Variants in GFRA2 observed in about 807,000 individuals in gnomAD.
GFRA2 encodes the protein GDNF family receptor alpha 2.
A neutral mutation model predicts 48.3 loss-of-function variants in GFRA2; 17 were observed. The ratio of observed to expected loss-of-function variants is 0.35; its 90% CI spans 0.24 to 0.53. The LOEUF is 0.53. Among genes scored for constraint, GFRA2 ranks in the 20% least tolerant of loss-of-function variants. GFRA2 has a pLI of 0.93. For missense variants in GFRA2, 660 were observed against 637.3 expected, an observed-to-expected ratio of 1.04 and a Z score of -0.38; for synonymous variants, 305 against 257.2, an observed-to-expected ratio of 1.19 and a Z score of -1.78.
intron 1 of GFRA2, among the ~76,000 whole-genome samples, chr8:21,809,985 A>C (rs1192090801): frequency 3.3e-5 from 5 of 152,204 alleles, no homozygotes. Context: ...AGTCCTGGGC[A>C]GAACTGGAAC....
intron 3 of GFRA2, among the ~76,000 whole-genome samples, chr8:21,766,971 TCATA>T (rs1806191929): frequency 1.6e-5 from 2 of 128,392 alleles, no homozygotes; most frequent in Non-Finnish European, 3.3e-5. Flanking sequence ...ATACATTACC[TCATA>T]CACTTACTAC....
intron 3 of GFRA2, among the ~76,000 whole-genome samples, chr8:21,756,617 G>A (rs1805583155): frequency 6.6e-6 from 1 of 152,196 alleles, no homozygotes; most frequent in South Asian, 2.1e-4. Context: ...CCTCCTGTCA[G>A]GAAGGTGAGT....
At chr8:21,775,930 G>T (rs982710234) in intron 2 of GFRA2, among the ~76,000 whole-genome samples, 158 of 152,032 alleles carry the variant, frequency 1.0e-3, no homozygotes, top group African/African-American at 3.6e-3. Context: ...CAGCGGGAAA[G>T]GAAATAGTCT....
intron 7 of GFRA2, among the ~76,000 whole-genome samples, chr8:21,694,969 G>A (rs1416731175): frequency 6.6e-6 from 1 of 152,200 alleles, no homozygotes; most frequent in Non-Finnish European, 1.5e-5. Flanking sequence ...GCCAACTCCT[G>A]TTAATTTGCC....
At chr8:21,731,809 A>G (rs923541697) in intron 4 of GFRA2, among the ~76,000 whole-genome samples, 3 of 152,242 alleles carry the variant, frequency 2.0e-5, no homozygotes, top group African/African-American at 7.2e-5. Context: ...CAGAAATACT[A>G]GAAAAGCAAA....
At chr8:21,728,265 GTTTTTT>G (rs34490346) in intron 4 of GFRA2, among the ~76,000 whole-genome samples, 2 of 65,292 alleles carry the variant, frequency 3.1e-5, no homozygotes, top group Non-Finnish European at 5.4e-5. Context: ...CGGGAACCAG[GTTTTTT>G]TTTTTTTTTT....
upstream of GFRA2, among the ~76,000 whole-genome samples, chr8:21,792,983 C>T (rs1188490515): frequency 3.3e-5 from 5 of 152,128 alleles, no homozygotes; most frequent in African/African-American, 1.2e-4. Context: ...AGGAGAACCA[C>T]GTGAACCTGG....
intron 4 of GFRA2, among the ~76,000 whole-genome samples, chr8:21,737,900 C>T (rs957781320): frequency 6.6e-6 from 1 of 152,176 alleles, no homozygotes; most frequent in Non-Finnish European, 1.5e-5. Flanking sequence ...CGAGCTGAAA[C>T]ACTCTTTGAA....
At chr8:21,775,492 G>A (rs971306435) in intron 2 of GFRA2, among the ~76,000 whole-genome samples, 2 of 152,172 alleles carry the variant, frequency 1.3e-5, no homozygotes, top group African/African-American at 2.4e-5. Context: ...GAGGTGGCCC[G>A]GAGAGGTGAA....
intron 4 of GFRA2, 62 bp from the exon 5 acceptor site, chr8:21,706,103 C>T (rs1402327934): frequency 1.0e-5 from 11 of 1,076,316 alleles, no homozygotes; most frequent in Non-Finnish European, 1.4e-5. Context: ...CCTTCTGTCT[C>T]CTCTGTCCTG....
chr8:21,810,775 T>A (rs116064185), intron 1 of GFRA2, among the ~76,000 whole-genome samples: 125 of 152,178 alleles, frequency 8.2e-4, no homozygotes, highest in African/African-American at 2.9e-3. Context: ...GCCCCTGGAA[T>A]GAAGTGAGGT....
chr8:21,740,251 A>G (rs533812611), intron 4 of GFRA2, among the ~76,000 whole-genome samples: 3 of 152,248 alleles, frequency 2.0e-5, no homozygotes, highest in Admixed American at 6.5e-5. Flanking sequence ...AGCTCTCCTC[A>G]GCCATCAAAG....
At chr8:21,785,213 G>C (rs1807210520) in intron 1 of GFRA2, among the ~76,000 whole-genome samples, 3 of 152,202 alleles carry the variant, frequency 2.0e-5, no homozygotes, top group African/African-American at 7.2e-5. Context: ...TTGTCCTACA[G>C]TTGGGCCTAG....
At chr8:21,774,058 G>A (rs1806566969) in intron 3 of GFRA2, among the ~76,000 whole-genome samples, 3 of 152,084 alleles carry the variant, frequency 2.0e-5, no homozygotes, top group South Asian at 2.1e-4. Context: ...GCATGTAAAC[G>A]AGATTTCCTG....
chr8:21,705,871 T>C, intron 5 of GFRA2, 61 bp downstream of exon 5: 1 of 1,160,620 alleles, frequency 8.6e-7, no homozygotes, highest in Non-Finnish European at 1.3e-6. Context: ...CTGCGGCCCC[T>C]GCCCTGCTGA....
chr8:21,741,404 G>A (rs1162023526), intron 4 of GFRA2, among the ~76,000 whole-genome samples: 1 of 152,050 alleles, frequency 6.6e-6, no homozygotes, highest in Non-Finnish European at 1.5e-5. Flanking sequence ...ACTTTTCCTG[G>A]CCAAGCAGAT....
intron 1 of GFRA2, among the ~76,000 whole-genome samples, chr8:21,805,801 T>C (rs1306438327): frequency 1.3e-5 from 2 of 152,208 alleles, no homozygotes; most frequent in Non-Finnish European, 2.9e-5. Flanking sequence ...TAATAATTTG[T>C]TCATTAGGCG....
intron 7 of GFRA2, among the ~76,000 whole-genome samples, chr8:21,698,127 GAGGCAT>G (rs1802301113): frequency 6.6e-6 from 1 of 152,164 alleles, no homozygotes; most frequent in Non-Finnish European, 1.5e-5. Flanking sequence ...TCATCCCCTA[GAGGCAT>G]CTGTGGCTCC....
At chr8:21,730,932 C>A (rs1207606147) in intron 4 of GFRA2, among the ~76,000 whole-genome samples, 1 of 152,162 alleles carries the variant, frequency 6.6e-6, no homozygotes, top group Non-Finnish European at 1.5e-5. Context: ...AAGTTCCATG[C>A]GTACCCCGAG....
Sources: allele counts gnomAD v4.1 joint callset (sites outside exome capture counted in the v4.1 genomes callset), GRCh38; gene constraint gnomAD v4.1.1; transcripts MANE v1.5; gene names NCBI Gene and HGNC (gene_info 2026-07-23, HGNC 2026-07-21).